Variants in LNP1 observed in about 807,000 individuals in gnomAD.
The protein encoded by LNP1 is leukemia NUP98 fusion partner 1.
In LNP1, 12 loss-of-function variants were observed where a neutral mutation model predicts 14.5. That is an observed-to-expected ratio of 0.83 (90% CI 0.53 to 1.34). The LOEUF is 1.34. Ranked by LOEUF, LNP1 falls within the 40% of genes most tolerant of loss-of-function variation. The pLI is 0.00. For synonymous variants in LNP1, 75 were observed against 71.4 expected, an observed-to-expected ratio of 1.05 and a Z score of -0.26; for missense variants, 198 against 210.9, an observed-to-expected ratio of 0.94 and a Z score of 0.38.
chr3:100,412,101 T>C (rs754394451), intron 1 of LNP1, among the ~76,000 whole-genome samples: 1 of 152,158 alleles, frequency 6.6e-6, no homozygotes, highest in South Asian at 2.1e-4. Context: ...CTGAGAAGTA[T>C]GGCGCTGGCA....
At position 100,409,874 on chromosome 3, in the gene LNP1, C is replaced by T. The variant is rs1045319212; in HGVS notation, c.-34+7435C>T. On this transcript the variant is annotated intron_variant, in intron 1 of 3. Transcript: ENST00000383693. ...CCTCCCAAAGTGCTAGGATTACAGG[C>T]GTGAGCCACCACACCCAGCCTAAAT... 1.8e-4 allele frequency among the ~76,000 whole-genome samples: 28 copies of T among 151,670 alleles called. No homozygotes were observed. In the East Asian group the frequency reaches 3.3e-3, roughly 18 times the overall value.
intron 1 of LNP1, among the ~76,000 whole-genome samples, chr3:100,425,395 G>T (rs929093632): frequency 1.1e-4 from 16 of 152,152 alleles, no homozygotes; most frequent in African/African-American, 3.9e-4. Context: ...AGAGGAGCTG[G>T]GGCCAGTTGC....
intron 2 of LNP1, among the ~76,000 whole-genome samples, chr3:100,451,024 A>T (rs1411728217): frequency 1.3e-5 from 2 of 152,206 alleles, no homozygotes; most frequent in African/African-American, 4.8e-5. Context: ...GGTTTGAGCC[A>T]TAAAGTTAGC....
chr3:100,431,990 GTTTATA>G (rs1707245889), intron 2 of LNP1, among the ~76,000 whole-genome samples: 3 of 94,946 alleles, frequency 3.2e-5, no homozygotes, highest in African/African-American at 1.5e-4. Context: ...ATGAGACCTT[GTTTATA>G]TATATATATA....
chr3:100,443,521 A>G (rs919104641), intron 2 of LNP1, among the ~76,000 whole-genome samples: 3 of 152,200 alleles, frequency 2.0e-5, no homozygotes, highest in Non-Finnish European at 4.4e-5. Flanking sequence ...TTAAAAGCTG[A>G]GCTGAGTTGG....
At chr3:100,404,790 C>CGTTTTTTTT (rs1559838210) in intron 1 of LNP1, among the ~76,000 whole-genome samples, 1 of 113,138 alleles carries the variant, frequency 8.8e-6, no homozygotes, top group African/African-American at 5.1e-5. Flanking sequence ...TTTGTGTTAT[C>CGTTTTTTTT]CTTTTTTTTT....
chr3:100,434,537 C>CT (rs1354470457), intron 2 of LNP1, among the ~76,000 whole-genome samples: 2 of 145,754 alleles, frequency 1.4e-5, no homozygotes, highest in Admixed American at 6.8e-5. Context: ...CTTCTTTTTT[C>CT]TTTTTTTTTG....
chr3:100,450,089 C>CTTTT (rs57762414), intron 2 of LNP1, among the ~76,000 whole-genome samples: 1 of 135,174 alleles, frequency 7.4e-6, no homozygotes, highest in African/African-American at 2.8e-5. Flanking sequence ...CACCATACCA[C>CTTTT]TTTTTTTTTT....
intron 2 of LNP1, among the ~76,000 whole-genome samples, chr3:100,437,118 C>T (rs1489213388): frequency 6.6e-6 from 1 of 152,170 alleles, no homozygotes; most frequent in Non-Finnish European, 1.5e-5. Context: ...CTGACTAATA[C>T]ATTTTCATAA....
intron 1 of LNP1, among the ~76,000 whole-genome samples, chr3:100,428,892 G>T (rs1027936314): frequency 6.6e-6 from 1 of 152,180 alleles, no homozygotes; most frequent in African/African-American, 2.4e-5. Context: ...TTGAAAGTAA[G>T]TTCAAAAACA....
At chr3:100,445,472 G>A (rs1279194443) in intron 2 of LNP1, among the ~76,000 whole-genome samples, 1 of 152,126 alleles carries the variant, frequency 6.6e-6, no homozygotes, top group Non-Finnish European at 1.5e-5. Context: ...TGCTGTCAGT[G>A]TTTAACATTT....
At chr3:100,440,851 G>A (rs1231068887) in intron 2 of LNP1, among the ~76,000 whole-genome samples, 1 of 152,188 alleles carries the variant, frequency 6.6e-6, no homozygotes, top group Non-Finnish European at 1.5e-5. Flanking sequence ...AACCAGGAGA[G>A]CATCTGGCAG....
At chr3:100,426,355 G>A (rs895295530) in intron 1 of LNP1, among the ~76,000 whole-genome samples, 2 of 152,198 alleles carry the variant, frequency 1.3e-5, no homozygotes, top group Non-Finnish European at 2.9e-5. Flanking sequence ...CTTAGCATAA[G>A]CTCCAGGCAA....
intron 1 of LNP1, among the ~76,000 whole-genome samples, chr3:100,410,467 T>C (rs1331085203): frequency 6.6e-6 from 1 of 152,116 alleles, no homozygotes; most frequent in African/African-American, 2.4e-5. Flanking sequence ...AACTTGCAAG[T>C]GATGAAATTG....
chr3:100,421,032 G>A (rs1321174880), intron 1 of LNP1, among the ~76,000 whole-genome samples: 1 of 151,954 alleles, frequency 6.6e-6, no homozygotes, highest in Non-Finnish European at 1.5e-5. Context: ...AGGCTGGAGT[G>A]CAGTGGGATA....
At chr3:100,424,112 G>GA (rs1411235995) in intron 1 of LNP1, among the ~76,000 whole-genome samples, 6 of 152,064 alleles carry the variant, frequency 3.9e-5, no homozygotes, top group African/African-American at 7.2e-5. Context: ...TTAACTAGGA[G>GA]AAAAAATGGA....
Position 100,436,445 on chromosome 3 carries a change from C to T in LNP1, c.156+6560C>T, listed in dbSNP as rs141397657. ...ATGAGGGGCTTAGGATTTTATTTTT[C>T]GTTTACATACCTAATAAGATGCTTT... On this transcript the variant is annotated intron_variant, in intron 2 of 3. Transcript: ENST00000383693. 5.9e-4 allele frequency among the ~76,000 whole-genome samples: 89 copies of T among 152,108 alleles called. 2 individuals carry two copies. The East Asian group carries it at 0.012, about 21-fold the overall frequency.
rs749084734 is a variant in LNP1 at position 100,451,920 on chromosome 3, T to G, written c.358T>G (p.Cys120Gly). The G allele has an allele frequency of 1.2e-5, 20 of 1,613,722 alleles. No individual in the cohort carries two copies. Among genetic ancestry groups the G allele is most frequent in the Non-Finnish European group, 1.6e-5 (19 of 1,179,902 alleles). The change falls in exon 3 of 4, where the codon TGC becomes GGC. Residue 120 changes from cysteine to glycine, a missense_variant. Cys to Gly is a radical substitution (Grantham distance 159). Transcript: ENST00000383693. Reference sequence around the variant, plus strand: ...TTCAGAGTCCTTTGAACGGCAACTGTGCTTTAGAACCAAGCGTTCTGCCTC... The same window carrying G: ...TTCAGAGTCCTTTGAACGGCAACTGGGCTTTAGAACCAAGCGTTCTGCCTC... ...KFSESFERQLCFRTKRSASLG... is the reference protein window; with the variant it reads ...KFSESFERQLGFRTKRSASLG...
chr3:100,456,115 C>T lies in LNP1; in HGVS notation c.*189C>T. 1.9e-6 allele frequency: 1 copy of T among 531,748 alleles called. No individual in the cohort carries two copies. Among genetic ancestry groups the T allele is most frequent in the East Asian group, 3.2e-5 (1 of 31,620 alleles). 32.9% of individuals were successfully genotyped at this position (531,748 alleles called of 1,614,324 possible). ...TGCTCCAAGATGACTTGCATCATAC[C>T]CCAATTACTGCTGGCATCTTAGTTG... On this transcript the variant is annotated 3_prime_UTR_variant, in exon 4 of 4. Coordinates refer to ENST00000383693, the MANE Select transcript of LNP1 (RefSeq NM_001085451.2).
Sources: allele counts gnomAD v4.1 joint callset (sites outside exome capture counted in the v4.1 genomes callset), GRCh38; gene constraint gnomAD v4.1.1; transcripts MANE v1.5; gene names NCBI Gene and HGNC (gene_info 2026-07-23, HGNC 2026-07-21).